Variants in LRRC9 observed in about 807,000 individuals in gnomAD.
The protein encoded by LRRC9 is leucine-rich repeat-containing protein 9.
In LRRC9, 122 loss-of-function variants were observed where a neutral mutation model predicts 63.2. The observed-to-expected ratio is 1.93, with a 90% confidence interval of 1.67 to 2.24. The LOEUF (loss-of-function observed/expected upper bound fraction) is 2.24, where lower values mean the gene tolerates loss of function less well. Ranked by LOEUF, LRRC9 falls within the 30% of genes most tolerant of loss-of-function variation. The pLI is 0.00. For synonymous variants in LRRC9, 366 were observed against 213.1 expected (o/e 1.72, Z -6.25); for missense variants, 1,071 against 627.7 (o/e 1.71, Z -7.55).
rs117146786 is a variant in LRRC9 at position 59,923,924 on chromosome 14, A to C, written c.-33-3987A>C. Among the ~76,000 whole-genome samples, 2,062 of 152,262 alleles carry C rather than the reference A, an allele frequency of 0.014. 43 individuals are homozygous for C. The highest frequency in any genetic ancestry group is 0.058 in the East Asian group (302 of 5,182). On this transcript the variant is annotated intron_variant, in intron 1 of 31. Transcript: ENST00000445360. The surrounding 1 kb of genome is among the most constrained non-coding windows in gnomAD (Gnocchi z 4.2). The stretch of plus-strand genomic sequence containing the variant: ...CCACTGCACTGTACTCCAGCCTGGG[A>C]GACAGAGCAAGACTCCGTCTTAAAA...
Position 60,004,146 on chromosome 14 carries a change from G to A in LRRC9, c.2842+348G>A, listed in dbSNP as rs1437989600. On this transcript the variant is annotated intron_variant, in intron 21 of 31. Coordinates refer to ENST00000445360, the Ensembl canonical transcript of LRRC9. This position sits in a 1 kb window ranked among gnomAD's most constrained non-coding sequence, Gnocchi z 4.8. ...TACTTTATATAATGAGCCCGAGCAA[G>A]CTTTCACCTCCTGTGCCTTCTCTCC... is the stretch of plus-strand genomic sequence containing the variant. 1.3e-5 allele frequency among the ~76,000 whole-genome samples: 2 copies of A among 152,138 alleles called. No homozygotes were observed. The highest frequency in any genetic ancestry group is 2.9e-5 in the Non-Finnish European group (2 of 68,012).
intron 17 of LRRC9, among the ~76,000 whole-genome samples, chr14:59,995,466 G>C (rs219361): frequency 0.75 from 113,888 of 152,108 alleles, 44,774 homozygotes; most frequent in Non-Finnish European, 0.87. Context: ...AGATAGCTAA[G>C]CTACATTTAG....
intron 12 of LRRC9, among the ~76,000 whole-genome samples, chr14:59,968,541 G>A (rs1337866663): frequency 6.6e-6 from 1 of 152,224 alleles, no homozygotes; most frequent in African/African-American, 2.4e-5. Flanking sequence ...AAGGCACTAT[G>A]TAGGGGAGCT....
chr14:59,970,939 T>G (rs1179354289), intron 12 of LRRC9, among the ~76,000 whole-genome samples: 1 of 152,200 alleles, frequency 6.6e-6, no homozygotes, highest in Non-Finnish European at 1.5e-5. Flanking sequence ...AGATCCCATT[T>G]GTCAATTTTT....
rs1320711068 is a variant in LRRC9, at chr14:60,017,640, T to C, written c.3318-731T>C. Reference sequence around the variant, plus strand: ...GCCTTTCCAAACACATCCGCTGCACTTAGGAAATACTAATGGAAATATGTT... The same window carrying C: ...GCCTTTCCAAACACATCCGCTGCACCTAGGAAATACTAATGGAAATATGTT... On this transcript the variant is annotated intron_variant, in intron 24 of 31. Transcript: ENST00000445360. This position sits in a 1 kb window ranked among gnomAD's most constrained non-coding sequence, Gnocchi z 4.0. Among the ~76,000 whole-genome samples, 1 of 152,128 alleles carries C rather than the reference T, an allele frequency of 6.6e-6. No individual in the cohort carries two copies. The highest frequency in any genetic ancestry group is 1.5e-5 in the Non-Finnish European group (1 of 67,996).
chr14:60,030,040 C>G (rs545949667), intron 28 of LRRC9, among the ~76,000 whole-genome samples: 5 of 152,198 alleles, frequency 3.3e-5, no homozygotes, highest in African/African-American at 1.2e-4. Context: ...AACTTCTGAA[C>G]TCTCACTTCA....
intron 23 of LRRC9, among the ~76,000 whole-genome samples, chr14:60,014,670 C>T (rs1481484615): frequency 6.6e-6 from 1 of 151,984 alleles, no homozygotes; most frequent in Non-Finnish European, 1.5e-5. Context: ...TCACTGTTTT[C>T]ATGCCTTTTT....
chr14:59,977,183 G>A (rs983342261), intron 13 of LRRC9, 42 bp from the exon 14 acceptor site: 2 of 646,382 alleles, frequency 3.1e-6, no homozygotes, highest in East Asian at 5.4e-5. Flanking sequence ...AATTATTAAA[G>A]TTAATTATTC....
rs929196044 is a variant in LRRC9, at chr14:59,930,290, G to A, written c.268-628G>A. Among the ~76,000 whole-genome samples the A allele has an allele frequency of 1.3e-5, 2 of 151,448 alleles. No individual in the cohort carries two copies. Among genetic ancestry groups the A allele is most frequent in the Admixed American group, 6.6e-5 (1 of 15,162 alleles). ...AAGAGCCATCACAGAAATGCACAGG[G>A]CATACGTTTTGTCTTAGAAGTCCCT... On this transcript the variant is annotated intron_variant, in intron 3 of 31. Transcript: ENST00000445360. The surrounding 1 kb of genome is among the most constrained non-coding windows in gnomAD (Gnocchi z 4.9).
chr14:60,018,390 G>A, exon 25 of LRRC9: 1 of 700,278 alleles, frequency 1.4e-6, no homozygotes, highest in East Asian at 2.7e-5. Context: ...TTTGATTCCA[G>A]TCGACCAATT....
At chr14:59,977,424 A>G (rs1886411496) in intron 14 of LRRC9, 77 bp downstream of exon 14, 4 of 528,062 alleles carry the variant, frequency 7.6e-6, no homozygotes, top group South Asian at 5.8e-5. Flanking sequence ...GATACTCACA[A>G]TTTTATTTCT....
chr14:59,959,200 G>A (rs1016382842), intron 8 of LRRC9, among the ~76,000 whole-genome samples: 1 of 152,094 alleles, frequency 6.6e-6, no homozygotes, highest in Admixed American at 6.5e-5. Flanking sequence ...AATATTCCAT[G>A]CAACATTTTT....
chr14:60,034,345 G>A (rs1458722853), intron 29 of LRRC9, among the ~76,000 whole-genome samples: 3 of 151,844 alleles, frequency 2.0e-5, no homozygotes, highest in Non-Finnish European at 4.4e-5. Context: ...TGCTGTCATA[G>A]TACTTTCATG....
chr14:60,051,240 G>T lies in LRRC9; in HGVS notation c.3991-1825G>T, dbSNP rs546047147. On this transcript the variant is annotated intron_variant, in intron 29 of 31. Coordinates refer to ENST00000445360, the Ensembl canonical transcript of LRRC9. The surrounding 1 kb of genome is among the most constrained non-coding windows in gnomAD (Gnocchi z 4.7). ...TCTCCCCACAGGAGTTCCATCCCAGGGAGAGATCAGGGTTCAGTGCATATA... is the reference window on the plus strand; with the variant it reads ...TCTCCCCACAGGAGTTCCATCCCAGTGAGAGATCAGGGTTCAGTGCATATA... Among the ~76,000 whole-genome samples, 2 of 152,340 alleles carry T rather than the reference G, an allele frequency of 1.3e-5. No homozygotes were observed. The highest frequency in any genetic ancestry group is 4.1e-4 in the South Asian group (2 of 4,828).
At chr14:59,924,754 C>T (rs971367809) in intron 1 of LRRC9, among the ~76,000 whole-genome samples, 1 of 152,166 alleles carries the variant, frequency 6.6e-6, no homozygotes, top group African/African-American at 2.4e-5. Flanking sequence ...CAGAGTTCTA[C>T]AAGATAGCAC....
At chr14:59,957,647 T>C (rs750069735) in intron 8 of LRRC9, among the ~76,000 whole-genome samples, 2 of 152,172 alleles carry the variant, frequency 1.3e-5, no homozygotes, top group Non-Finnish European at 2.9e-5. Context: ...ATCAGTCTCA[T>C]TCTCTGTTCA....
At chr14:60,013,322 G>T (rs766904187) in intron 23 of LRRC9, among the ~76,000 whole-genome samples, 5 of 152,060 alleles carry the variant, frequency 3.3e-5, no homozygotes, top group Non-Finnish European at 7.4e-5. Context: ...GGAAGATTAT[G>T]GACAGGCTGG....
chr14:59,976,437 G>C (rs1886292832), intron 13 of LRRC9, among the ~76,000 whole-genome samples: 1 of 152,130 alleles, frequency 6.6e-6, no homozygotes, highest in Admixed American at 6.5e-5. Flanking sequence ...CTAGGTTCCA[G>C]ATTGCTAAGG....
chr14:60,022,818 G>C, exon 27 of LRRC9: 1 of 686,694 alleles, frequency 1.5e-6, no homozygotes. Context: ...TTTGTAATTT[G>C]ATCCAGCTAC....
Sources: gnomAD v4.1 joint callset for allele counts (sites outside exome capture counted in the v4.1 genomes callset) on GRCh38, gnomAD v4.1.1 for gene constraint, Gnocchi (gnomAD v3.1) non-coding constraint, MANE v1.5 for transcripts, NCBI Gene and HGNC (gene_info 2026-07-23, HGNC 2026-07-21) for gene names.